The following PDE5A variants were observed in gnomAD, a reference collection of about 807,000 sequenced individuals.
The protein encoded by PDE5A is cGMP-specific 3',5'-cyclic phosphodiesterase.
A neutral mutation model predicts 110.2 loss-of-function variants in PDE5A; 67 were observed. The observed-to-expected ratio is 0.61, with a 90% CI of 0.50 to 0.75. PDE5A has a LOEUF of 0.75. Among genes scored for constraint, PDE5A ranks in the 30% least tolerant of loss-of-function variants. The pLI is 0.00. For synonymous variants in PDE5A, 328 were observed against 351.2 expected, an observed-to-expected ratio of 0.93 and a Z score of 0.74; for missense variants, 862 against 1,045.1, an observed-to-expected ratio of 0.82 and a Z score of 2.42.
intron 14 of PDE5A, among the ~76,000 whole-genome samples, chr4:119,516,610 T>G (rs1488217071): frequency 1.3e-5 from 2 of 151,836 alleles, no homozygotes; most frequent in African/African-American, 2.4e-5. Flanking sequence ...GAATTCAGTA[T>G]CTATCTGAGA....
In PDE5A at chr4:119,606,843, G is replaced by A. The variant is rs772776746; in HGVS notation, c.607C>T (p.Arg203Cys). ...DSSNDKFLISRLFDVAEGSTL... is the reference protein window; with the variant it reads ...DSSNDKFLISCLFDVAEGSTL... ...GAACCTTCAGCAACATCAAAGAGGC[G>A]GCTGATAAGAAACTTGTCATTGGAG... The change falls in exon 2 of 21, where the codon CGC becomes TGC. Residue 203 changes from arginine to cysteine, a missense_variant. Arg to Cys is a radical substitution (Grantham distance 180, BLOSUM62 -3). Coordinates refer to ENST00000354960, the MANE Select transcript of PDE5A (RefSeq NM_001083.4). The A allele has an allele frequency of 2.4e-5, 39 of 1,613,980 alleles. No individual in the cohort carries two copies. Among genetic ancestry groups the A allele is most frequent in the Middle Eastern group, 1.6e-4 (1 of 6,084 alleles).
chr4:119,615,380 T>C (rs921484619), intron 1 of PDE5A, among the ~76,000 whole-genome samples: 65 of 152,218 alleles, frequency 4.3e-4, no homozygotes, highest in African/African-American at 1.5e-3. Flanking sequence ...CTCATTCCAA[T>C]GAAGACAAAG....
intron 11 of PDE5A, among the ~76,000 whole-genome samples, chr4:119,533,461 G>A (rs1023538485): frequency 6.6e-6 from 1 of 152,090 alleles, no homozygotes; most frequent in Non-Finnish European, 1.5e-5. Flanking sequence ...AGTTTATAAG[G>A]CTTTTAGAAT....
chr4:119,608,452 C>T (rs1039857350), intron 1 of PDE5A, among the ~76,000 whole-genome samples: 13 of 152,180 alleles, frequency 8.5e-5, no homozygotes, highest in Non-Finnish European at 1.2e-4. Context: ...TTACTCTAGA[C>T]ATTTTTGGAA....
At position 119,627,267 on chromosome 4, in the gene PDE5A, G is replaced by A; in HGVS notation, c.152+1253C>T. The A allele has an allele frequency of 6.4e-7, 1 of 1,571,272 alleles. No individual in the cohort carries two copies. The highest frequency in any genetic ancestry group is 8.6e-7 in the Non-Finnish European group (1 of 1,157,084). ...ACAACGCGCGCAGGTGAGGTGAGGTGAGGTCGGCGACTCAGAACCAGCTCC... is the reference window on the plus strand; with the variant it reads ...ACAACGCGCGCAGGTGAGGTGAGGTAAGGTCGGCGACTCAGAACCAGCTCC... On this transcript the variant is annotated intron_variant, in intron 1 of 20. Transcript: ENST00000354960. This position sits in a 1 kb window ranked among gnomAD's most constrained non-coding sequence, Gnocchi z 4.6.
intron 3 of PDE5A, among the ~76,000 whole-genome samples, chr4:119,573,524 G>A (rs904042017): frequency 6.6e-6 from 1 of 152,126 alleles, no homozygotes; most frequent in Admixed American, 6.5e-5. Context: ...GACCATTTTA[G>A]TTATGGTTTT....
intron 3 of PDE5A, among the ~76,000 whole-genome samples, chr4:119,579,712 G>T (rs1436217807): frequency 6.6e-6 from 1 of 151,540 alleles, no homozygotes; most frequent in Non-Finnish European, 1.5e-5. Context: ...AGTGGGGAGG[G>T]ATAGCATTTG....
chr4:119,547,357 T>G (rs1253801345), intron 9 of PDE5A, among the ~76,000 whole-genome samples: 1 of 151,738 alleles, frequency 6.6e-6, no homozygotes, highest in African/African-American at 2.4e-5. Context: ...CCGTTGGAGG[T>G]TCATCTATTA....
chr4:119,542,053 T>A (rs1726949696), intron 10 of PDE5A: 1 of 156,370 alleles, frequency 6.4e-6, no homozygotes. Context: ...GCCTAGGGTT[T>A]CTGTTTTTTG....
chr4:119,620,700 AAG>A (rs1163352548), intron 1 of PDE5A, among the ~76,000 whole-genome samples: 1 of 152,254 alleles, frequency 6.6e-6, no homozygotes, highest in Non-Finnish European at 1.5e-5. Context: ...AAACAAAAGA[AAG>A]TGAAAGAAAT....
At chr4:119,599,968 T>C (rs918062401) in intron 2 of PDE5A, among the ~76,000 whole-genome samples, 1 of 152,036 alleles carries the variant, frequency 6.6e-6, no homozygotes, top group Non-Finnish European at 1.5e-5. Context: ...TTTTAAAATA[T>C]TGAAAGAAAA....
At chr4:119,608,271 A>T (rs1729612396) in intron 1 of PDE5A, among the ~76,000 whole-genome samples, 1 of 152,236 alleles carries the variant, frequency 6.6e-6, no homozygotes, top group African/African-American at 2.4e-5. Flanking sequence ...AACTGAAGGC[A>T]TTTATGTTTT....
intron 4 of PDE5A, among the ~76,000 whole-genome samples, chr4:119,565,851 CA>C (rs1187698433): frequency 2.0e-5 from 3 of 151,464 alleles, no homozygotes; most frequent in Non-Finnish European, 4.4e-5. Flanking sequence ...AAGTTGCAAA[CA>C]TTAAATATGT....
At chr4:119,609,796 A>G (rs1163716640) in intron 1 of PDE5A, among the ~76,000 whole-genome samples, 1 of 152,246 alleles carries the variant, frequency 6.6e-6, no homozygotes, top group Non-Finnish European at 1.5e-5. Flanking sequence ...ACAAAAAACG[A>G]TAAGTATGAG....
chr4:119,567,016 A>G, intron 4 of PDE5A, 57 bp downstream of exon 4: 9 of 1,192,940 alleles, frequency 7.5e-6, no homozygotes, highest in Non-Finnish European at 8.8e-6. Flanking sequence ...AGGTGTATAT[A>G]CTATAAAGAG....
chr4:119,611,683 T>C (rs1729753339), intron 1 of PDE5A, among the ~76,000 whole-genome samples: 1 of 152,244 alleles, frequency 6.6e-6, no homozygotes, highest in Non-Finnish European at 1.5e-5. Context: ...ATTAACTCAA[T>C]ATTAAATGAC....
chr4:119,622,160 C>T (rs1416426672), intron 1 of PDE5A, among the ~76,000 whole-genome samples: 2 of 138,424 alleles, frequency 1.4e-5, no homozygotes, highest in Non-Finnish European at 3.1e-5. Flanking sequence ...GGCGACAGAG[C>T]GAGACTCCAT....
At chr4:119,532,725 T>C (rs1726587887) in intron 11 of PDE5A, among the ~76,000 whole-genome samples, 1 of 152,124 alleles carries the variant, frequency 6.6e-6, no homozygotes, top group South Asian at 2.1e-4. Context: ...ACGTTTCTAA[T>C]TTTTAGTGGA....
chr4:119,499,278 C>T (rs894116591), intron 20 of PDE5A, among the ~76,000 whole-genome samples: 1 of 151,968 alleles, frequency 6.6e-6, no homozygotes, highest in Non-Finnish European at 1.5e-5. Flanking sequence ...CTTAAAATGA[C>T]AAATACCCAA....
Sources: gnomAD v4.1 joint callset for allele counts (sites outside exome capture counted in the v4.1 genomes callset) on GRCh38, gnomAD v4.1.1 for gene constraint, Gnocchi (gnomAD v3.1) non-coding constraint, MANE v1.5 for transcripts, NCBI Gene and HGNC (gene_info 2026-07-23, HGNC 2026-07-21) for gene names.